LIMD1: variants seen among roughly 807,000 people sequenced by gnomAD.
LIMD1 encodes LIM domain containing 1.
Under a neutral mutation model 58.4 loss-of-function variants are expected in LIMD1, and 23 were observed. The ratio of observed to expected loss-of-function variants is 0.39; its 90% CI spans 0.28 to 0.56. The LOEUF is 0.56. LIMD1 is among the 20% of genes least tolerant of loss of function. The pLI, the probability that LIMD1 is intolerant of heterozygous loss-of-function variation, is 0.57. For synonymous variants in LIMD1, 334 were observed against 345.5 expected (o/e 0.97, Z 0.37); for missense variants, 838 against 855.5 (o/e 0.98, Z 0.25).
intron 1 of LIMD1, among the ~76,000 whole-genome samples, chr3:45,634,521 A>G (rs1362269515): frequency 6.6e-6 from 1 of 152,232 alleles, no homozygotes; most frequent in Non-Finnish European, 1.5e-5. Context: ...AGGCAGTAAC[A>G]TGATTGTCAT....
intron 1 of LIMD1, among the ~76,000 whole-genome samples, chr3:45,622,114 G>A (rs981836879): frequency 6.6e-6 from 1 of 151,292 alleles, no homozygotes; most frequent in Admixed American, 6.6e-5. Context: ...TGTATTTGCA[G>A]AGTTGTGCAA....
At chr3:45,648,888 T>G (rs1393248446) in intron 2 of LIMD1, among the ~76,000 whole-genome samples, 1 of 152,230 alleles carries the variant, frequency 6.6e-6, no homozygotes, top group Non-Finnish European at 1.5e-5. Flanking sequence ...GAAAAATGTC[T>G]TCTCAATTCC....
At chr3:45,608,839 CAAAAAAAA>C (rs60750700) in intron 1 of LIMD1, among the ~76,000 whole-genome samples, 11 of 102,968 alleles carry the variant, frequency 1.1e-4, no homozygotes, top group Middle Eastern at 4.8e-3. Context: ...GACTCGGTAT[CAAAAAAAA>C]AAAAAAAAAA....
At chr3:45,673,605 G>C (rs1034818702) in intron 6 of LIMD1, 100 bp downstream of exon 6, 23 of 1,040,726 alleles carry the variant, frequency 2.2e-5, no homozygotes, top group Non-Finnish European at 3.2e-5. Flanking sequence ...CAGCTTTTAA[G>C]GTATCCTTTT....
At chr3:45,661,487 A>T (rs1422576464) in intron 2 of LIMD1, among the ~76,000 whole-genome samples, 2 of 152,218 alleles carry the variant, frequency 1.3e-5, no homozygotes, top group African/African-American at 2.4e-5. Context: ...TGGACATTTG[A>T]TGCTCATTTT....
chr3:45,636,168 G>C lies in LIMD1; in HGVS notation c.1427G>C (p.Ser476Thr), dbSNP rs775186675. The C allele has an allele frequency of 3.1e-6, 5 of 1,612,738 alleles. No individual in the cohort carries two copies. Among genetic ancestry groups the C allele is most frequent in the African/African-American group, 1.3e-5 (1 of 74,848 alleles). ...CTGCAAGGAGCCTGTGTGAAATGCAGCAAAGGGGTGTTTGGGGCTGGCCAG... is the reference window on the plus strand; with the variant it reads ...CTGCAAGGAGCCTGTGTGAAATGCACCAAAGGGGTGTTTGGGGCTGGCCAG... ...ADYFGACVKC[S>T]KGVFGAGQAC... The change falls in exon 2 of 8, where the codon AGC becomes ACC. Residue 476 changes from serine to threonine, a missense_variant. Ser to Thr is a moderately conservative substitution (Grantham distance 58, BLOSUM62 1). Coordinates refer to ENST00000273317, the MANE Select transcript of LIMD1 (RefSeq NM_014240.3).
chr3:45,638,076 T>C (rs1701806915), intron 2 of LIMD1, among the ~76,000 whole-genome samples: 1 of 152,300 alleles, frequency 6.6e-6, no homozygotes, highest in African/African-American at 2.4e-5. Flanking sequence ...GAGGTGCAGT[T>C]GATGATTGTT....
At chr3:45,598,688 C>T (rs1701380228) in intron 1 of LIMD1, among the ~76,000 whole-genome samples, 1 of 152,108 alleles carries the variant, frequency 6.6e-6, no homozygotes, top group Non-Finnish European at 1.5e-5. Flanking sequence ...GGGAATGGAG[C>T]CCTGGGGCTG....
At position 45,596,045 on chromosome 3, in the gene LIMD1, T is replaced by G. The variant is rs748382420; in HGVS notation, c.1166T>G (p.Val389Gly). 3 of 1,614,022 alleles carry G rather than the reference T, an allele frequency of 1.9e-6. No individual in the cohort carries two copies. Among genetic ancestry groups the G allele is most frequent in the Non-Finnish European group, 1.7e-6 (2 of 1,180,022 alleles). The change falls in exon 1 of 8, where the codon GTC (valine) becomes GGC (glycine). Residue 389 changes from valine (V) to glycine (G), a missense_variant. Physicochemically the swap from Val to Gly is moderately radical, Grantham distance 109 (BLOSUM62 -3). Coordinates refer to ENST00000273317, the MANE Select transcript of LIMD1 (RefSeq NM_014240.3). ...TGPKLSPTSL[V>G]HPVMSTLPEL... ...CCCAAGCTCAGCCCCACCAGTCTTG[T>G]CCATCCAGTGATGTCCACCCTGCCT...
intron 2 of LIMD1, among the ~76,000 whole-genome samples, chr3:45,663,026 T>C (rs1159973848): frequency 1.3e-5 from 2 of 152,138 alleles, no homozygotes; most frequent in Non-Finnish European, 2.9e-5. Flanking sequence ...TATGTGTGTG[T>C]GCGCACTCTC....
Position 45,679,751 on chromosome 3 carries a change from C to G in LIMD1, c.*2692C>G, listed in dbSNP as rs185929938. 56 of 152,258 alleles carry G rather than the reference C, an allele frequency of 3.7e-4. No individual in the cohort carries two copies. Among genetic ancestry groups the G allele is most frequent in the Admixed American group, 1.1e-3 (17 of 15,298 alleles). The allele number at this position is 152,258 out of a possible 1,614,324, so 9.4% of individuals were successfully genotyped here. On this transcript the variant is annotated 3_prime_UTR_variant, in exon 8 of 8. Coordinates refer to ENST00000273317, the MANE Select transcript of LIMD1 (RefSeq NM_014240.3). ...ACCCCTATCTTGGGACATTCAGAAA[C>G]TGCCTGGGTGGTTTGAGAAGAGACA...
intron 2 of LIMD1, among the ~76,000 whole-genome samples, chr3:45,641,528 T>A (rs902996806): frequency 1.3e-4 from 19 of 149,126 alleles, no homozygotes; most frequent in African/African-American, 2.2e-4. Flanking sequence ...TTTATATTTT[T>A]TATATATATA....
intron 2 of LIMD1, among the ~76,000 whole-genome samples, chr3:45,637,442 A>T (rs1483664359): frequency 1.3e-5 from 2 of 152,000 alleles, no homozygotes; most frequent in Non-Finnish European, 2.9e-5. Flanking sequence ...CAGCACGCCC[A>T]GCTAATTTTT....
At position 45,594,892 on chromosome 3, in the gene LIMD1, G is replaced by T; in HGVS notation, c.13G>T (p.Asp5Tyr). 6.2e-7 allele frequency: 1 copy of T among 1,606,962 alleles called. No homozygotes were observed. The highest frequency in any genetic ancestry group is 8.5e-7 in the Non-Finnish European group (1 of 1,177,826). The change falls in exon 1 of 8, where the codon GAC (aspartate) becomes TAC (tyrosine). Residue 5 changes from aspartate (D) to tyrosine (Y), a missense_variant. This residue lies in a region of LIMD1 where 659 missense variants were observed against 639.8 expected (regional missense o/e 1.03). Transcript: ENST00000273317. MDKY[D>Y]DLGLEASKFI... ...ACCTGTCTGCAGCATGGATAAGTAT[G>T]ACGACCTGGGCCTGGAGGCCAGTAA... is the stretch of plus-strand genomic sequence containing the variant.
At chr3:45,627,142 A>G (rs1400895163) in intron 1 of LIMD1, among the ~76,000 whole-genome samples, 1 of 152,040 alleles carries the variant, frequency 6.6e-6, no homozygotes, top group African/African-American at 2.4e-5. Flanking sequence ...CTCTGTGCGT[A>G]GGGGTGGGCT....
rs1236773374 is a variant in LIMD1 at position 45,683,108 on chromosome 3, C to T, written c.*6049C>T. On this transcript the variant is annotated 3_prime_UTR_variant, in exon 8 of 8. Transcript: ENST00000273317. Reference sequence around the variant, plus strand: ...CCCTCCCTGCCTCCTTGTAAGGACACTTGGGATTACGCCCATCCAGATAAT... The same window carrying T: ...CCCTCCCTGCCTCCTTGTAAGGACATTTGGGATTACGCCCATCCAGATAAT... The T allele has an allele frequency of 6.6e-6, 1 of 152,228 alleles. No individual in the cohort carries two copies. Among genetic ancestry groups the T allele is most frequent in the Non-Finnish European group, 1.5e-5 (1 of 68,068 alleles). The allele number at this position is 152,228 out of a possible 1,614,324, so 9.4% of individuals were successfully genotyped here.
At chr3:45,639,370 A>T (rs1268164960) in intron 2 of LIMD1, among the ~76,000 whole-genome samples, 1 of 152,228 alleles carries the variant, frequency 6.6e-6, no homozygotes, top group African/African-American at 2.4e-5. Context: ...GGGAAAACCA[A>T]TTGATGAGCG....
At chr3:45,614,427 A>AT (rs1701557726) in intron 1 of LIMD1, among the ~76,000 whole-genome samples, 1 of 149,204 alleles carries the variant, frequency 6.7e-6, no homozygotes, top group Non-Finnish European at 1.5e-5. Context: ...AAAAAAAAAA[A>AT]GGAAATCCTC....
chr3:45,677,240 C>T lies in LIMD1; in HGVS notation c.*181C>T, dbSNP rs72882594. On this transcript the variant is annotated 3_prime_UTR_variant, in exon 8 of 8. Transcript: ENST00000273317. Reference sequence around the variant, plus strand: ...GGAGGTGAACACTACCTGCCTCCTGCGTGTATTTTCCAAGTGCTTTTCTCT... The same window carrying T: ...GGAGGTGAACACTACCTGCCTCCTGTGTGTATTTTCCAAGTGCTTTTCTCT... The T allele has an allele frequency of 4.6e-4, 268 of 587,592 alleles. 2 individuals carry two copies. Among genetic ancestry groups the T allele is most frequent in the African/African-American group, 4.2e-3 (224 of 53,586 alleles). The allele number at this position is 587,592 out of a possible 1,614,324, so 36.4% of individuals were successfully genotyped here.
Sources: gnomAD v4.1 joint callset for allele counts (sites outside exome capture counted in the v4.1 genomes callset) on GRCh38, gnomAD v4.1.1 for gene constraint, gnomAD v4.1.1 regional missense constraint, MANE v1.5 for transcripts, NCBI Gene and HGNC (gene_info 2026-07-23, HGNC 2026-07-21) for gene names.